The following CNTNAP2 variants were observed in gnomAD, a reference collection of about 807,000 sequenced individuals.
CNTNAP2 encodes contactin associated protein 2, also known as contactin-associated protein-like 2.
A neutral mutation model predicts 155.2 loss-of-function variants in CNTNAP2; 98 were observed. The observed-to-expected ratio is 0.63, with a 90% confidence interval of 0.54 to 0.75. CNTNAP2 has a LOEUF of 0.75. Ranked by LOEUF, CNTNAP2 falls within the 30% of genes least tolerant of loss-of-function variation. The pLI, the probability that CNTNAP2 is intolerant of heterozygous loss-of-function variation, is 0.00. For missense variants in CNTNAP2, 1,727 were observed against 1,688.1 expected (o/e 1.02, Z -0.40); for synonymous variants, 651 against 631.2 (o/e 1.03, Z -0.47).
intron 1 of CNTNAP2, among the ~76,000 whole-genome samples, chr7:146,630,211 C>T (rs1799488563): frequency 6.6e-6 from 1 of 152,064 alleles, no homozygotes; most frequent in Non-Finnish European, 1.5e-5. Context: ...TCAACTCCCA[C>T]TAATGAGTGA....
At chr7:147,808,058 G>A (rs1798122102) in intron 13 of CNTNAP2, among the ~76,000 whole-genome samples, 1 of 151,706 alleles carries the variant, frequency 6.6e-6, no homozygotes, top group Non-Finnish European at 1.5e-5. Flanking sequence ...TGACATGTCT[G>A]GGACCTTGGC....
intron 23 of CNTNAP2, among the ~76,000 whole-genome samples, chr7:148,411,930 A>ATGCT (rs1799850907): frequency 7.3e-6 from 1 of 137,218 alleles, no homozygotes; most frequent in African/African-American, 2.8e-5. Flanking sequence ...AGCCAATATC[A>ATGCT]TGCTTGCTTT....
At chr7:146,773,556 C>T (rs762893484) in intron 1 of CNTNAP2, among the ~76,000 whole-genome samples, 5 of 152,092 alleles carry the variant, frequency 3.3e-5, no homozygotes, top group Non-Finnish European at 7.4e-5. Context: ...CCACCATGAC[C>T]GGTTAATTTA....
chr7:147,713,826 T>C (rs764915648), intron 13 of CNTNAP2, among the ~76,000 whole-genome samples: 2 of 152,154 alleles, frequency 1.3e-5, no homozygotes, highest in Non-Finnish European at 2.9e-5. Context: ...TATCACATAA[T>C]GGTTTTAATT....
At chr7:146,956,864 C>G (rs976760786) in intron 3 of CNTNAP2, among the ~76,000 whole-genome samples, 1 of 152,060 alleles carries the variant, frequency 6.6e-6, no homozygotes, top group African/African-American at 2.4e-5. Context: ...GGAATTATCT[C>G]ACAGGAACAT....
chr7:146,538,403 T>C (rs1390846400), intron 1 of CNTNAP2, among the ~76,000 whole-genome samples: 1 of 152,104 alleles, frequency 6.6e-6, no homozygotes, highest in Non-Finnish European at 1.5e-5. Flanking sequence ...ATGTTTACCA[T>C]GCATCCTAGA....
chr7:147,164,160 T>C (rs1413922892), intron 8 of CNTNAP2, among the ~76,000 whole-genome samples: 1 of 152,236 alleles, frequency 6.6e-6, no homozygotes, highest in Non-Finnish European at 1.5e-5. Flanking sequence ...ATTCTCCTAT[T>C]TTGGTAAGTT....
At chr7:146,652,422 A>G (rs936383730) in intron 1 of CNTNAP2, among the ~76,000 whole-genome samples, 8 of 152,278 alleles carry the variant, frequency 5.3e-5, no homozygotes, top group African/African-American at 1.9e-4. Context: ...AACTGCTTTC[A>G]GAATTGCTTA....
chr7:147,689,643 T>C (rs73741879), intron 13 of CNTNAP2, among the ~76,000 whole-genome samples: 2,404 of 152,258 alleles, frequency 0.016, 67 homozygotes, highest in African/African-American at 0.056. Flanking sequence ...AAACATTTCA[T>C]TGTGCACTAT....
chr7:148,146,804 G>A (rs564128793), intron 16 of CNTNAP2, among the ~76,000 whole-genome samples: 15 of 151,836 alleles, frequency 9.9e-5, no homozygotes, highest in East Asian at 1.9e-4. Context: ...ATAGGTCACC[G>A]TCATTACACC....
At chr7:147,924,171 C>T (rs952507726) in intron 14 of CNTNAP2, among the ~76,000 whole-genome samples, 5 of 109,868 alleles carry the variant, frequency 4.6e-5, no homozygotes, top group African/African-American at 1.5e-4. Context: ...CAGAGTTTCA[C>T]TCTTGTTGCC....
intron 3 of CNTNAP2, among the ~76,000 whole-genome samples, chr7:146,887,679 T>C (rs1349319998): frequency 6.6e-6 from 1 of 152,138 alleles, no homozygotes; most frequent in East Asian, 1.9e-4. Context: ...CTAATTGCCT[T>C]GTCAAAACAA....
At chr7:147,385,236 G>T (rs1045848438) in intron 9 of CNTNAP2, among the ~76,000 whole-genome samples, 8 of 152,122 alleles carry the variant, frequency 5.3e-5, no homozygotes, top group Non-Finnish European at 7.3e-5. Flanking sequence ...AGAGTTGGGT[G>T]GGGACACAGC....
At chr7:146,625,643 A>G (rs865862861) in intron 1 of CNTNAP2, among the ~76,000 whole-genome samples, 1 of 152,088 alleles carries the variant, frequency 6.6e-6, no homozygotes, top group Non-Finnish European at 1.5e-5. Context: ...TGTAATTGAA[A>G]GAAAAGACTG....
intron 2 of CNTNAP2, among the ~76,000 whole-genome samples, chr7:146,821,279 G>A (rs1803277131): frequency 1.3e-5 from 2 of 152,094 alleles, no homozygotes; most frequent in Admixed American, 6.6e-5. Context: ...TTACATTTTG[G>A]CATGTTTTTG....
At chr7:147,371,404 A>G (rs1265966572) in intron 9 of CNTNAP2, among the ~76,000 whole-genome samples, 1 of 152,180 alleles carries the variant, frequency 6.6e-6, no homozygotes, top group African/African-American at 2.4e-5. Flanking sequence ...TCAGTTTTAT[A>G]TAAGATACAC....
intron 8 of CNTNAP2, among the ~76,000 whole-genome samples, chr7:147,257,349 T>C (rs1804355325): frequency 6.6e-6 from 1 of 152,176 alleles, no homozygotes; most frequent in Non-Finnish European, 1.5e-5. Flanking sequence ...CATCGAGTAA[T>C]TCCTTTCAAA....
intron 1 of CNTNAP2, among the ~76,000 whole-genome samples, chr7:146,537,348 A>G (rs1431086366): frequency 6.6e-6 from 1 of 152,120 alleles, no homozygotes; most frequent in South Asian, 2.1e-4. Context: ...AAAACATTAA[A>G]ATACCTACAT....
chr7:147,519,324 C>A (rs1420509199), intron 11 of CNTNAP2, among the ~76,000 whole-genome samples: 1 of 152,132 alleles, frequency 6.6e-6, no homozygotes, highest in Non-Finnish European at 1.5e-5. Flanking sequence ...CATCGCATTG[C>A]TCTGGCACTG....
Sources: gnomAD v4.1 joint callset for allele counts (sites outside exome capture counted in the v4.1 genomes callset) on GRCh38, gnomAD v4.1.1 for gene constraint, MANE v1.5 for transcripts, NCBI Gene and HGNC (gene_info 2026-07-23, HGNC 2026-07-21) for gene names.